Variants in PRKAR1B observed in about 807,000 individuals in gnomAD.
PRKAR1B encodes protein kinase cAMP-dependent type I regulatory subunit beta.
PRKAR1B carries 22 observed loss-of-function variants against 46.5 expected under a neutral mutation model. The observed-to-expected ratio is 0.47, with a 90% confidence interval of 0.34 to 0.68. The LOEUF (loss-of-function observed/expected upper bound fraction) is 0.68, where lower values mean the gene tolerates loss of function less well. Among genes scored for constraint, PRKAR1B ranks in the 30% least tolerant of loss-of-function variants. PRKAR1B has a pLI of 0.01. For missense variants in PRKAR1B, 445 were observed against 535.6 expected, an observed-to-expected ratio of 0.83 and a Z score of 1.67; for synonymous variants, 259 against 217.7, an observed-to-expected ratio of 1.19 and a Z score of -1.67.
intron 4 of PRKAR1B, among the ~76,000 whole-genome samples, chr7:646,344 T>C (rs1784622629): frequency 6.6e-6 from 1 of 152,246 alleles, no homozygotes; most frequent in African/African-American, 2.4e-5. Context: ...GCGCCTGGCC[T>C]GAGTGCTACG....
chr7:672,359 C>A (rs1185228407), intron 4 of PRKAR1B, among the ~76,000 whole-genome samples: 1 of 151,718 alleles, frequency 6.6e-6, no homozygotes, highest in Admixed American at 6.6e-5. Flanking sequence ...ACCATATTGG[C>A]CAGGCTGGTC....
intron 1 of PRKAR1B, among the ~76,000 whole-genome samples, chr7:720,050 C>CTTTTTT (rs34254216): frequency 1.1e-5 from 1 of 93,176 alleles, no homozygotes; most frequent in Non-Finnish European, 2.1e-5. Flanking sequence ...CTGTGCAAGT[C>CTTTTTT]TTTTTTTTTT....
intron 4 of PRKAR1B, among the ~76,000 whole-genome samples, chr7:639,422 G>T (rs1784278776): frequency 6.6e-6 from 1 of 152,214 alleles, no homozygotes; most frequent in Non-Finnish European, 1.5e-5. Context: ...TCCTCACACA[G>T]AAAGTAACTC....
chr7:643,243 A>C (rs1176433123), intron 4 of PRKAR1B, among the ~76,000 whole-genome samples: 1 of 151,488 alleles, frequency 6.6e-6, no homozygotes, highest in Non-Finnish European at 1.5e-5. Flanking sequence ...TTACATTTAC[A>C]ATTTTGGATG....
chr7:723,653 G>A (rs1461412962), intron 1 of PRKAR1B, among the ~76,000 whole-genome samples: 5 of 152,188 alleles, frequency 3.3e-5, no homozygotes, highest in Non-Finnish European at 4.4e-5. Flanking sequence ...CGACCAATCC[G>A]TTCAACGGAA....
chr7:592,000 A>G (rs1781001853), intron 7 of PRKAR1B, among the ~76,000 whole-genome samples: 3 of 152,226 alleles, frequency 2.0e-5, no homozygotes, highest in African/African-American at 7.2e-5. Flanking sequence ...CCCAGGGCCA[A>G]TGAGAAGAGA....
chr7:551,504 C>G, intron 9 of PRKAR1B, 34 bp from the exon 10 acceptor site: 2 of 1,544,406 alleles, frequency 1.3e-6, no homozygotes, highest in Non-Finnish European at 8.7e-7. Flanking sequence ...TGAGTGCCAG[C>G]CAGGCGGGTG....
Position 606,174 on chromosome 7 carries a change from A to G in PRKAR1B, c.549+19T>C, listed in dbSNP as rs772574156. 1.2e-6 allele frequency: 2 copies of G among 1,613,498 alleles called. No individual in the cohort carries two copies. The highest frequency in any genetic ancestry group is 1.7e-5 in the Admixed American group (1 of 59,980). On this transcript the variant is annotated intron_variant, in intron 6 of 10. Coordinates refer to ENST00000537384, the MANE Select transcript of PRKAR1B (RefSeq NM_001164760.2). Reference sequence around the variant, plus strand: ...TGCAAAGACGCGCTATTTTCCAAAGACAAGTTAGCGACACTCACATCCACT... The same window carrying G: ...TGCAAAGACGCGCTATTTTCCAAAGGCAAGTTAGCGACACTCACATCCACT...
intron 3 of PRKAR1B, among the ~76,000 whole-genome samples, chr7:678,501 G>A (rs1778468455): frequency 6.6e-6 from 1 of 152,164 alleles, no homozygotes; most frequent in South Asian, 2.1e-4. Context: ...TGCACCCTTT[G>A]ATCAACAATT....
At chr7:675,904 C>T (rs942864188) in intron 4 of PRKAR1B, among the ~76,000 whole-genome samples, 11 of 152,106 alleles carry the variant, frequency 7.2e-5, no homozygotes, top group African/African-American at 2.4e-4. Flanking sequence ...CAAGATCATA[C>T]GACTGCAGTC....
chr7:651,653 G>T (rs535197844), intron 4 of PRKAR1B, among the ~76,000 whole-genome samples: 78 of 151,942 alleles, frequency 5.1e-4, no homozygotes, highest in African/African-American at 1.9e-3. Flanking sequence ...AGGAACCTGG[G>T]GAAACCCCTC....
intron 7 of PRKAR1B, among the ~76,000 whole-genome samples, chr7:594,420 G>A (rs1033905108): frequency 6.6e-6 from 1 of 152,158 alleles, no homozygotes; most frequent in Admixed American, 6.5e-5. Flanking sequence ...GCTGTCCGGG[G>A]CTGCATTGGC....
intron 8 of PRKAR1B, among the ~76,000 whole-genome samples, chr7:583,692 T>G (rs1442701429): frequency 1.8e-5 from 2 of 108,790 alleles, no homozygotes; most frequent in African/African-American, 3.9e-5. Context: ...CACGGTGCAC[T>G]CACACCCTCA....
intron 2 of PRKAR1B, among the ~76,000 whole-genome samples, chr7:703,784 G>A (rs115103724): frequency 1.5e-3 from 232 of 152,070 alleles, no homozygotes; most frequent in African/African-American, 5.5e-3. Context: ...CTAAGGGCAC[G>A]TGTGATATTC....
chr7:566,661 CCATCACCTTCAT>C (rs752727176), intron 9 of PRKAR1B, among the ~76,000 whole-genome samples: 54 of 814 alleles, frequency 0.066, 15 homozygotes, highest in East Asian at 0.5. Context: ...ACCATCATCA[CCATCACCTTCAT>C]CACCATCACC....
intron 9 of PRKAR1B, among the ~76,000 whole-genome samples, chr7:559,322 G>A (rs1369966188): frequency 9.2e-5 from 14 of 152,220 alleles, no homozygotes; most frequent in Admixed American, 8.5e-4. Context: ...CGGAGAAGAC[G>A]TGGGGGCCGC....
chr7:648,236 T>C (rs1352517949), intron 4 of PRKAR1B, among the ~76,000 whole-genome samples: 2 of 152,146 alleles, frequency 1.3e-5, no homozygotes, highest in Non-Finnish European at 2.9e-5. Context: ...GTTTAGGTAG[T>C]TGCAAAAAGG....
At position 666,695 on chromosome 7, in the gene PRKAR1B, C is replaced by T. The variant is rs1785948161; in HGVS notation, c.440+10534G>A. 6.6e-6 allele frequency among the ~76,000 whole-genome samples: 1 copy of T among 152,236 alleles called. No individual in the cohort carries two copies. The highest frequency in any genetic ancestry group is 1.5e-5 in the Non-Finnish European group (1 of 68,032). ...GGCCTCCTAGGGATCTTCCTGCTGA[C>T]TGTGGGTGCTGGGAGGCCCGGAGCG... On this transcript the variant is annotated intron_variant, in intron 4 of 10. Coordinates refer to ENST00000537384, the MANE Select transcript of PRKAR1B (RefSeq NM_001164760.2). This position sits in a 1 kb window ranked among gnomAD's most constrained non-coding sequence, Gnocchi z 4.9.
In PRKAR1B at chr7:551,477, G is replaced by A; in HGVS notation, c.892-7C>T. On this transcript the variant is annotated splice_polypyrimidine_tract_variant and splice_region_variant and intron_variant, in intron 9 of 10. Coordinates refer to ENST00000537384, the MANE Select transcript of PRKAR1B (RefSeq NM_001164760.2). ...GCAGCACGGACGCGGTGCCCTGTGG[G>A]TGGAGGTGGACAGACGTGAGTGCCA... is the stretch of plus-strand genomic sequence containing the variant. 6.4e-7 allele frequency: 1 copy of A among 1,552,432 alleles called. No individual in the cohort carries two copies. The highest frequency in any genetic ancestry group is 8.7e-7 in the Non-Finnish European group (1 of 1,147,848).
Sources: allele counts gnomAD v4.1 joint callset (sites outside exome capture counted in the v4.1 genomes callset), GRCh38; gene constraint gnomAD v4.1.1; non-coding constraint Gnocchi (gnomAD v3.1); transcripts MANE v1.5; gene names NCBI Gene and HGNC (gene_info 2026-07-23, HGNC 2026-07-21).